Variants in NPAS3 observed in about 807,000 individuals in gnomAD.
NPAS3 encodes the protein neuronal PAS domain protein 3, also known as neuronal PAS domain-containing protein 3.
A neutral mutation model predicts 73.1 loss-of-function variants in NPAS3; 14 were observed. The observed-to-expected ratio is 0.19, with a 90% CI of 0.13 to 0.30. The LOEUF is 0.30. NPAS3 is among the 10% of genes least tolerant of loss of function. The pLI is 1.00. For synonymous variants in NPAS3, 620 were observed against 541.5 expected (o/e 1.14, Z -2.01); for missense variants, 1,096 against 1,250.0 (o/e 0.88, Z 1.86).
chr14:33,594,822 T>C (rs1348820246), intron 5 of NPAS3, among the ~76,000 whole-genome samples: 1 of 152,226 alleles, frequency 6.6e-6, no homozygotes, highest in African/African-American at 2.4e-5. Context: ...ATCTCGTTAG[T>C]GGATGAAAGT....
chr14:33,714,160 TAA>T (rs2060896905), intron 6 of NPAS3, among the ~76,000 whole-genome samples: 1 of 151,960 alleles, frequency 6.6e-6, no homozygotes, highest in South Asian at 2.1e-4. Context: ...TTAAAAAGAC[TAA>T]AAAACAAAAA....
intron 3 of NPAS3, among the ~76,000 whole-genome samples, chr14:33,296,425 C>T (rs987677975): frequency 1.1e-4 from 17 of 152,182 alleles, no homozygotes; most frequent in Non-Finnish European, 2.5e-4. Context: ...TCAGATTCTT[C>T]CATGCCTATC....
intron 5 of NPAS3, among the ~76,000 whole-genome samples, chr14:33,643,388 A>C (rs552382227): frequency 9.5e-5 from 14 of 147,096 alleles, no homozygotes; most frequent in African/African-American, 3.2e-4. Context: ...AAAAAAAAAA[A>C]AAAAAAAAAA....
intron 5 of NPAS3, among the ~76,000 whole-genome samples, chr14:33,670,615 A>C (rs1369440060): frequency 2.5e-3 from 353 of 143,666 alleles, no homozygotes; most frequent in Admixed American, 2.9e-3. Flanking sequence ...TATAAATGTG[A>C]CCCCCCCTCA....
chr14:33,374,185 T>C lies in NPAS3; in HGVS notation c.468+6917T>C, dbSNP rs115477874. ...TAATGTTGTCAACCTCAGTGAGCTG[T>C]CAGATTTTGTTCATGTGGTTTTTCA... is the stretch of plus-strand genomic sequence containing the variant. On this transcript the variant is annotated intron_variant, in intron 4 of 11. Coordinates refer to ENST00000356141, the Ensembl canonical transcript of NPAS3. Among the ~76,000 whole-genome samples the C allele has an allele frequency of 6.5e-3, 990 of 152,290 alleles. 5 individuals carry two copies. The highest frequency in any genetic ancestry group is 0.017 in the Middle Eastern group (5 of 294).
At chr14:33,373,914 C>T (rs570225889) in intron 4 of NPAS3, among the ~76,000 whole-genome samples, 5 of 152,046 alleles carry the variant, frequency 3.3e-5, no homozygotes, top group African/African-American at 9.7e-5. Flanking sequence ...AGGCTAGGTA[C>T]GATGGTTGTA....
intron 5 of NPAS3, among the ~76,000 whole-genome samples, chr14:33,602,966 T>C (rs149151634): frequency 3.2e-4 from 48 of 152,244 alleles, no homozygotes; most frequent in East Asian, 1.9e-3. Flanking sequence ...GATCCAACAA[T>C]GTAAAATTCA....
At chr14:33,536,023 C>T (rs546959105) in intron 4 of NPAS3, among the ~76,000 whole-genome samples, 1 of 152,254 alleles carries the variant, frequency 6.6e-6, no homozygotes, top group South Asian at 2.1e-4. Flanking sequence ...AGGCCTCTGG[C>T]TCCTGACTTT....
intron 5 of NPAS3, among the ~76,000 whole-genome samples, chr14:33,675,346 A>G (rs776793734): frequency 6.6e-6 from 1 of 152,176 alleles, no homozygotes; most frequent in Non-Finnish European, 1.5e-5. Context: ...CGCACAACTC[A>G]GACGCAGGGG....
intron 3 of NPAS3, among the ~76,000 whole-genome samples, chr14:33,237,038 A>G (rs1192266983): frequency 6.6e-6 from 1 of 152,130 alleles, no homozygotes; most frequent in Non-Finnish European, 1.5e-5. Context: ...AGTGGCTTTT[A>G]GGAAAAACTT....
At chr14:33,407,844 GT>G (rs978803015) in intron 4 of NPAS3, among the ~76,000 whole-genome samples, 5 of 151,834 alleles carry the variant, frequency 3.3e-5, no homozygotes, top group Admixed American at 6.6e-5. Context: ...ACTTTACCAT[GT>G]TTTTTTTCCA....
chr14:33,239,784 G>A (rs1433576399), intron 3 of NPAS3, among the ~76,000 whole-genome samples: 2 of 151,854 alleles, frequency 1.3e-5, no homozygotes, highest in African/African-American at 4.8e-5. Context: ...GTGCTCTCCA[G>A]CATCAAAATG....
At chr14:33,704,159 T>G (rs140753769) in intron 6 of NPAS3, among the ~76,000 whole-genome samples, 20 of 152,308 alleles carry the variant, frequency 1.3e-4, no homozygotes, top group African/African-American at 4.8e-4. Flanking sequence ...AAATACGCAG[T>G]GAAATCTAGA....
At chr14:33,456,021 ATT>A (rs1244104736) in intron 4 of NPAS3, among the ~76,000 whole-genome samples, 1 of 152,202 alleles carries the variant, frequency 6.6e-6, no homozygotes, top group Non-Finnish European at 1.5e-5. Context: ...GGCAGTAATC[ATT>A]TGTACTATTA....
intron 5 of NPAS3, among the ~76,000 whole-genome samples, chr14:33,587,852 G>A (rs1163336245): frequency 6.6e-6 from 1 of 152,170 alleles, no homozygotes; most frequent in Non-Finnish European, 1.5e-5. Context: ...CAACAGCTAT[G>A]TCTGCACCAG....
At position 32,953,560 on chromosome 14, in the gene NPAS3, GT is replaced by G. The variant is rs200307323; in HGVS notation, c.50+14198del. 9.8e-4 allele frequency among the ~76,000 whole-genome samples: 149 copies of G among 152,210 alleles called. 4 individuals are homozygous for G. In the East Asian group the frequency reaches 0.023, roughly 23 times the overall value. On this transcript the variant is annotated intron_variant, in intron 1 of 11. Coordinates refer to ENST00000356141, the Ensembl canonical transcript of NPAS3. ...TTTTATCAGTTATTCGAGGGGGTCT[GT>G]TTTCCCTAAAGATCTATGTCAAGAA...
intron 3 of NPAS3, among the ~76,000 whole-genome samples, chr14:33,226,412 A>G (rs1478532047): frequency 1.3e-5 from 2 of 152,220 alleles, no homozygotes; most frequent in Non-Finnish European, 2.9e-5. Flanking sequence ...ATCATTAAAA[A>G]TCATTAGAAA....
chr14:33,603,592 T>C (rs1450313229), intron 5 of NPAS3, among the ~76,000 whole-genome samples: 2 of 152,086 alleles, frequency 1.3e-5, no homozygotes, highest in Non-Finnish European at 2.9e-5. Context: ...AAGGACACCT[T>C]AGATGCAGAA....
chr14:33,775,342 G>T (rs898393066), intron 8 of NPAS3, among the ~76,000 whole-genome samples: 1 of 152,140 alleles, frequency 6.6e-6, no homozygotes, highest in Non-Finnish European at 1.5e-5. Flanking sequence ...GGGTGCCACA[G>T]GGAGAAATAC....
Sources: gnomAD v4.1 joint callset for allele counts (sites outside exome capture counted in the v4.1 genomes callset) on GRCh38, gnomAD v4.1.1 for gene constraint, MANE v1.5 for transcripts, NCBI Gene and HGNC (gene_info 2026-07-23, HGNC 2026-07-21) for gene names.